SYT14: variants seen among roughly 807,000 people sequenced by gnomAD.
The protein encoded by SYT14 is synaptotagmin 14, also known as synaptotagmin-14.
In SYT14, 32 loss-of-function variants were observed where a neutral mutation model predicts 74.2. The ratio of observed to expected loss-of-function variants is 0.43; its 90% confidence interval spans 0.33 to 0.58. The LOEUF is 0.58. SYT14 is among the 20% of genes least tolerant of loss of function. SYT14 has a pLI of 0.05. For synonymous variants in SYT14, 298 were observed against 337.7 expected (o/e 0.88, Z 1.29); for missense variants, 791 against 981.8 (o/e 0.81, Z 2.60).
At chr1:210,171,163 GAT>G (rs1460817651) in exon 10 of SYT14, 1 of 152,046 alleles carries the variant, frequency 6.6e-6, no homozygotes, top group African/African-American at 2.4e-5. Flanking sequence ...CTGGAGTTTA[GAT>G]ATTTTTCATA....
At chr1:210,073,940 A>G (rs577514382) in intron 5 of SYT14, among the ~76,000 whole-genome samples, 1 of 152,246 alleles carries the variant, frequency 6.6e-6, no homozygotes, top group East Asian at 1.9e-4. Context: ...AACAGATGAA[A>G]TTTATTATTT....
At chr1:210,086,253 G>C (rs1033058455) in intron 5 of SYT14, among the ~76,000 whole-genome samples, 1 of 152,022 alleles carries the variant, frequency 6.6e-6, no homozygotes. Context: ...TATCTACCAG[G>C]TTTCTCCACT....
rs114015995 is a variant in SYT14, at chr1:210,125,848, G to A, written c.2034+25387G>A. On this transcript the variant is annotated intron_variant, in intron 7 of 9. Coordinates refer to ENST00000637265, the Ensembl canonical transcript of SYT14. ...CAGTCATAACCAGGGTTTGATTCTAGTTAAAATGGTTTCTTAACATATAAT... is the reference window on the plus strand; with the variant it reads ...CAGTCATAACCAGGGTTTGATTCTAATTAAAATGGTTTCTTAACATATAAT... Among the ~76,000 whole-genome samples, 379 of 152,278 alleles carry A rather than the reference G, an allele frequency of 2.5e-3. 1 individual carries two copies. Among genetic ancestry groups the A allele is most frequent in the African/African-American group, 8.7e-3 (362 of 41,556 alleles).
intron 2 of SYT14, among the ~76,000 whole-genome samples, chr1:209,982,258 T>G (rs1326161316): frequency 6.6e-6 from 1 of 152,096 alleles, no homozygotes; most frequent in African/African-American, 2.4e-5. Context: ...TGGTCTCAGG[T>G]GATCCTCCCA....
chr1:210,043,386 A>G (rs227179), intron 5 of SYT14, among the ~76,000 whole-genome samples: 50,480 of 151,618 alleles, frequency 0.33, 9,395 homozygotes, highest in Non-Finnish European at 0.41. Context: ...TTCTACTCCA[A>G]CTCTCTAGTT....
intron 5 of SYT14, among the ~76,000 whole-genome samples, chr1:210,037,831 T>G (rs2080702474): frequency 6.6e-6 from 1 of 152,082 alleles, no homozygotes; most frequent in Non-Finnish European, 1.5e-5. Context: ...TTAAAAAATT[T>G]ATTGAGACTT....
chr1:210,066,802 T>C (rs2081304876), intron 5 of SYT14, among the ~76,000 whole-genome samples: 1 of 152,106 alleles, frequency 6.6e-6, no homozygotes, highest in Non-Finnish European at 1.5e-5. Flanking sequence ...ACTAATACAG[T>C]GCTCAATGAA....
intron 5 of SYT14, among the ~76,000 whole-genome samples, chr1:210,059,471 GA>G (rs2081168281): frequency 6.8e-6 from 1 of 146,856 alleles, no homozygotes; most frequent in South Asian, 2.2e-4. Context: ...GAGAGAGAGA[GA>G]GAGAGAGAGA....
chr1:210,015,212 G>T lies in SYT14; in HGVS notation c.-320-472G>T, dbSNP rs2080158682. On this transcript the variant is annotated intron_variant, in intron 3 of 9. Coordinates refer to ENST00000637265, the Ensembl canonical transcript of SYT14. ...GGAAGACAGCTGGATTCTCATTTCT[G>T]CCTCTACATTCAATCTGTCATGTAG... Among the ~76,000 whole-genome samples, 7 of 152,096 alleles carry T rather than the reference G, an allele frequency of 4.6e-5. 1 individual carries two copies. In the South Asian group the frequency reaches 1.5e-3, roughly 32 times the overall value.
At chr1:210,040,174 G>T (rs6540577) in intron 5 of SYT14, among the ~76,000 whole-genome samples, 25,256 of 152,126 alleles carry the variant, frequency 0.17, 6,660 homozygotes, top group African/African-American at 0.56. Context: ...ATACACCATG[G>T]AATACTATGC....
intron 5 of SYT14, among the ~76,000 whole-genome samples, chr1:210,064,664 T>C (rs1572237755): frequency 6.6e-6 from 1 of 152,194 alleles, no homozygotes; most frequent in East Asian, 1.9e-4. Context: ...CCATTCATCC[T>C]CTGATGGATT....
intron 7 of SYT14, among the ~76,000 whole-genome samples, chr1:210,114,953 G>A (rs2102592208): frequency 6.6e-6 from 1 of 151,208 alleles, no homozygotes; most frequent in East Asian, 1.9e-4. Flanking sequence ...TTAGGGTTGG[G>A]ACTGAGGGGA....
chr1:209,951,718 C>T (rs1260067114), intron 1 of SYT14, among the ~76,000 whole-genome samples: 1 of 151,688 alleles, frequency 6.6e-6, no homozygotes, highest in African/African-American at 2.4e-5. Flanking sequence ...TGTTTATGAA[C>T]AATAGAATTG....
At chr1:209,942,949 C>T (rs2078759832) in intron 1 of SYT14, among the ~76,000 whole-genome samples, 1 of 152,000 alleles carries the variant, frequency 6.6e-6, no homozygotes, top group African/African-American at 2.4e-5. Flanking sequence ...GCATTTACTT[C>T]TATTAATAAT....
chr1:210,063,348 C>T (rs1163813346), intron 5 of SYT14, among the ~76,000 whole-genome samples: 1 of 151,760 alleles, frequency 6.6e-6, no homozygotes, highest in African/African-American at 2.4e-5. Flanking sequence ...ATTTGAAATA[C>T]TGCTTTTATC....
chr1:210,111,473 A>G (rs1321462441), intron 7 of SYT14, among the ~76,000 whole-genome samples: 1 of 151,378 alleles, frequency 6.6e-6, no homozygotes, highest in Non-Finnish European at 1.5e-5. Context: ...AATAAGAAAA[A>G]TAAAACAAAA....
chr1:210,078,025 T>A (rs1341245954), intron 5 of SYT14, among the ~76,000 whole-genome samples: 2 of 152,024 alleles, frequency 1.3e-5, no homozygotes, highest in African/African-American at 2.4e-5. Context: ...AAAATATGCA[T>A]CTAGGCCGGG....
intron 5 of SYT14, among the ~76,000 whole-genome samples, chr1:210,034,809 A>T (rs2080622522): frequency 6.6e-6 from 1 of 151,754 alleles, no homozygotes; most frequent in Non-Finnish European, 1.5e-5. Flanking sequence ...ACATGATTTC[A>T]ATTTTTTATG....
chr1:209,954,178 GAC>G (rs1558090047), intron 2 of SYT14, among the ~76,000 whole-genome samples: 1 of 152,190 alleles, frequency 6.6e-6, no homozygotes, highest in African/African-American at 2.4e-5. Context: ...CAAGAGTAGA[GAC>G]AGCTAGAAGC....
Sources: allele counts gnomAD v4.1 joint callset (sites outside exome capture counted in the v4.1 genomes callset), GRCh38; gene constraint gnomAD v4.1.1; transcripts MANE v1.5; gene names NCBI Gene and HGNC (gene_info 2026-07-23, HGNC 2026-07-21).